Variants in KCTD16 observed in about 807,000 individuals in gnomAD.
KCTD16 encodes potassium channel tetramerization domain containing 16, also known as BTB/POZ domain-containing protein KCTD16.
In KCTD16, 13 loss-of-function variants were observed where a neutral mutation model predicts 33.2. The ratio of observed to expected loss-of-function variants is 0.39; its 90% CI spans 0.25 to 0.62. The LOEUF is 0.62. KCTD16 is among the 20% of genes least tolerant of loss of function. The pLI is 0.50. For synonymous variants in KCTD16, 197 were observed against 195.3 expected (o/e 1.01, Z -0.07); for missense variants, 441 against 525.1 (o/e 0.84, Z 1.57).
chr5:144,253,100 C>T (rs1174601608), intron 3 of KCTD16, among the ~76,000 whole-genome samples: 1 of 152,020 alleles, frequency 6.6e-6, no homozygotes, highest in African/African-American at 2.4e-5. Context: ...TCACCAACTA[C>T]ATTTAGAATA....
chr5:144,364,468 T>A (rs965196613), intron 3 of KCTD16, among the ~76,000 whole-genome samples: 4 of 152,232 alleles, frequency 2.6e-5, no homozygotes, highest in African/African-American at 4.8e-5. Flanking sequence ...CGAGCATGAC[T>A]CCACAGGTTA....
chr5:144,283,785 C>T (rs1755669430), intron 3 of KCTD16, among the ~76,000 whole-genome samples: 1 of 152,104 alleles, frequency 6.6e-6, no homozygotes, highest in African/African-American at 2.4e-5. Context: ...AAATACATTC[C>T]TGAGCAAATG....
intron 3 of KCTD16, among the ~76,000 whole-genome samples, chr5:144,381,569 T>C (rs969852028): frequency 2.0e-5 from 3 of 151,942 alleles, no homozygotes; most frequent in African/African-American, 7.2e-5. Context: ...GCATGTCACA[T>C]GGCAAAAGCA....
intron 2 of KCTD16, among the ~76,000 whole-genome samples, chr5:144,194,450 G>A (rs547067695): frequency 5.3e-5 from 8 of 152,208 alleles, no homozygotes; most frequent in Non-Finnish European, 1.0e-4. Context: ...TCTGTAAGGG[G>A]TCCAGAGTAA....
At chr5:144,242,227 C>T (rs894509427) in intron 3 of KCTD16, among the ~76,000 whole-genome samples, 6 of 151,710 alleles carry the variant, frequency 4.0e-5, no homozygotes, top group Admixed American at 3.9e-4. Flanking sequence ...ATCTAGGGGC[C>T]ATGTACTGAC....
intron 3 of KCTD16, among the ~76,000 whole-genome samples, chr5:144,428,601 T>C (rs1753388541): frequency 6.6e-6 from 1 of 152,182 alleles, no homozygotes; most frequent in Non-Finnish European, 1.5e-5. Flanking sequence ...TCTTTAAACT[T>C]CAAGGCAAGT....
At chr5:144,457,401 T>C (rs538203666) in intron 3 of KCTD16, among the ~76,000 whole-genome samples, 14 of 152,230 alleles carry the variant, frequency 9.2e-5, no homozygotes, top group African/African-American at 2.9e-4. Context: ...ATGGTAGAAA[T>C]GAAGAGAAGC....
chr5:144,252,306 A>G (rs570611818), intron 3 of KCTD16, among the ~76,000 whole-genome samples: 1 of 152,320 alleles, frequency 6.6e-6, no homozygotes, highest in Admixed American at 6.5e-5. Context: ...CTGAGTAAAT[A>G]GTACTTACTA....
chr5:144,240,693 G>A (rs1359472858), intron 3 of KCTD16, among the ~76,000 whole-genome samples: 1 of 151,986 alleles, frequency 6.6e-6, no homozygotes. Context: ...ATCTGTGAAA[G>A]TCCCCCAGTA....
intron 3 of KCTD16, among the ~76,000 whole-genome samples, chr5:144,382,817 T>G (rs568497175): frequency 6.6e-6 from 1 of 152,302 alleles, no homozygotes; most frequent in East Asian, 1.9e-4. Context: ...TATTTGGAGG[T>G]GCATTGAGTT....
chr5:144,327,221 T>C (rs1016421206), intron 3 of KCTD16, among the ~76,000 whole-genome samples: 1 of 152,186 alleles, frequency 6.6e-6, no homozygotes, highest in Non-Finnish European at 1.5e-5. Context: ...ACCTATGTTC[T>C]AGTGATCTAT....
At chr5:144,346,671 A>C (rs1199812248) in intron 3 of KCTD16, among the ~76,000 whole-genome samples, 1 of 152,130 alleles carries the variant, frequency 6.6e-6, no homozygotes, top group Non-Finnish European at 1.5e-5. Context: ...AGAAACGTCT[A>C]TTCAAATCTT....
At chr5:144,342,099 CA>C (rs999896924) in intron 3 of KCTD16, among the ~76,000 whole-genome samples, 4 of 151,976 alleles carry the variant, frequency 2.6e-5, no homozygotes, top group Admixed American at 2.0e-4. Context: ...TAGTTTTTTC[CA>C]ATTCTGTGAA....
At chr5:144,368,550 T>G (rs765290142) in intron 3 of KCTD16, among the ~76,000 whole-genome samples, 1 of 152,084 alleles carries the variant, frequency 6.6e-6, no homozygotes, top group Non-Finnish European at 1.5e-5. Flanking sequence ...CTAAATGAAC[T>G]TGGAATCAAG....
chr5:144,299,134 ATATATATATATAT>A (rs1751331063), intron 3 of KCTD16, among the ~76,000 whole-genome samples: 2 of 29,786 alleles, frequency 6.7e-5, no homozygotes, highest in Non-Finnish European at 1.0e-4. Context: ...ATATATATAT[ATATATATATATAT>A]ATTTTTTTTT....
At chr5:144,398,708 A>ACACACTCTCTCTCTCTCTCTCT (rs1554092476) in intron 3 of KCTD16, among the ~76,000 whole-genome samples, 1 of 145,452 alleles carries the variant, frequency 6.9e-6, no homozygotes, top group African/African-American at 2.5e-5. Context: ...ACACACACAC[A>ACACACTCTCTCTCTCTCTCTCT]CTCTCTCTCT....
At chr5:144,205,243 C>A (rs1249593643) in intron 2 of KCTD16, 2 of 288,872 alleles carry the variant, frequency 6.9e-6, no homozygotes, top group Non-Finnish European at 1.3e-5. Context: ...ACCGCCGGAG[C>A]GCGGCGTCCC....
intron 3 of KCTD16, among the ~76,000 whole-genome samples, chr5:144,373,051 G>T (rs867989874): frequency 6.6e-6 from 1 of 152,142 alleles, no homozygotes; most frequent in Non-Finnish European, 1.5e-5. Context: ...CAGAATGGGA[G>T]AATTTGGTGT....
At chr5:144,418,198 A>G (rs533880523) in intron 3 of KCTD16, among the ~76,000 whole-genome samples, 1 of 152,168 alleles carries the variant, frequency 6.6e-6, no homozygotes, top group Non-Finnish European at 1.5e-5. Flanking sequence ...GGTAGTGCAG[A>G]CCCAAAGCAT....
Sources: allele counts gnomAD v4.1 joint callset (sites outside exome capture counted in the v4.1 genomes callset), GRCh38; gene constraint gnomAD v4.1.1; transcripts MANE v1.5; gene names NCBI Gene and HGNC (gene_info 2026-07-23, HGNC 2026-07-21).